Variants in KCNG3 observed in about 807,000 individuals in gnomAD.
KCNG3 encodes potassium voltage-gated channel modifier subfamily G member 3.
KCNG3 carries 15 observed loss-of-function variants against 29.0 expected under a neutral mutation model. The observed-to-expected ratio is 0.52, with a 90% CI of 0.35 to 0.80. The LOEUF is 0.80. Among genes scored for constraint, KCNG3 ranks in the 30% least tolerant of loss-of-function variants. The pLI is 0.01. For synonymous variants in KCNG3, 322 were observed against 248.9 expected, an observed-to-expected ratio of 1.29 and a Z score of -2.76; for missense variants, 512 against 605.7, an observed-to-expected ratio of 0.85 and a Z score of 1.62.
chr2:42,474,902 C>T (rs1211882988), intron 1 of KCNG3, among the ~76,000 whole-genome samples: 1 of 152,156 alleles, frequency 6.6e-6, no homozygotes, highest in African/African-American at 2.4e-5. Flanking sequence ...GCCTGCCTTA[C>T]TCCAGTGGCA....
chr2:42,410,753 T>C, the KCNG3 span, among the ~76,000 whole-genome samples: 1 of 152,168 alleles, frequency 6.6e-6, no homozygotes, highest in Non-Finnish European at 1.5e-5. Context: ...CTTTAGGATG[T>C]AGTTCCAAGT....
In KCNG3 at chr2:42,474,229, A is replaced by G. The variant is rs1436392725; in HGVS notation, c.665+18608T>C. 6.0e-5 allele frequency among the ~76,000 whole-genome samples: 9 copies of G among 150,462 alleles called. No homozygotes were observed. In the East Asian group the frequency reaches 9.8e-4, roughly 16 times the overall value. ...CAGAGCAAGAGTTCATCTCGGAGAG[A>G]AAAAAAAACACTGTTCGGCCAGGCA... On this transcript the variant is annotated intron_variant, in intron 1 of 1. Coordinates refer to ENST00000306078, the MANE Select transcript of KCNG3 (RefSeq NM_133329.6).
intron 1 of KCNG3, among the ~76,000 whole-genome samples, chr2:42,461,177 CAAAACAAAA>C (rs1673008285): frequency 5.2e-5 from 1 of 19,252 alleles, no homozygotes; most frequent in Non-Finnish European, 1.2e-4. Context: ...CAAAACAAAA[CAAAACAAAA>C]AAAAAAAAAA....
the KCNG3 span, among the ~76,000 whole-genome samples, chr2:42,389,382 T>C: frequency 6.6e-6 from 1 of 152,248 alleles, no homozygotes; most frequent in Non-Finnish European, 1.5e-5. Flanking sequence ...TTCTGGTTTC[T>C]TACCAACTTT....
chr2:42,431,835 C>T, the KCNG3 span, among the ~76,000 whole-genome samples: 1 of 152,046 alleles, frequency 6.6e-6, no homozygotes, highest in South Asian at 2.1e-4. Context: ...GTCAGGAGTT[C>T]GAGACCAGCC....
chr2:42,412,673 G>C, the KCNG3 span, among the ~76,000 whole-genome samples: 3 of 151,966 alleles, frequency 2.0e-5, no homozygotes, highest in African/African-American at 7.3e-5. Context: ...ATGTTATTTG[G>C]CCTGATAACA....
intron 1 of KCNG3, among the ~76,000 whole-genome samples, chr2:42,484,106 CATT>C (rs1424943357): frequency 6.6e-6 from 1 of 152,094 alleles, no homozygotes; most frequent in African/African-American, 2.4e-5. Flanking sequence ...CAAAATGTAT[CATT>C]AAGTAAAAAA....
At chr2:42,418,029 T>G in the KCNG3 span, among the ~76,000 whole-genome samples, 1 of 151,608 alleles carries the variant, frequency 6.6e-6, no homozygotes, top group Non-Finnish European at 1.5e-5. Flanking sequence ...ATATATATAC[T>G]GACACAAAAT....
Position 42,493,530 on chromosome 2 carries a change from G to T in KCNG3, c.-29C>A. The T allele has an allele frequency of 7.5e-7, 1 of 1,338,402 alleles. No homozygotes were observed. Among genetic ancestry groups the T allele is most frequent in the Admixed American group, 3.9e-5 (1 of 25,422 alleles). The allele number at this position is 1,338,402 out of a possible 1,614,324, so 82.9% of individuals were successfully genotyped here. On this transcript the variant is annotated 5_prime_UTR_variant, in exon 1 of 2. Coordinates refer to ENST00000306078, the MANE Select transcript of KCNG3 (RefSeq NM_133329.6). Reference sequence around the variant, plus strand: ...TGGCCGCCCGGGGGACTTTCGGCCCGAGGGCCCCGCTGCAGCCCCCCACCC... The same window carrying T: ...TGGCCGCCCGGGGGACTTTCGGCCCTAGGGCCCCGCTGCAGCCCCCCACCC...
chr2:42,464,446 T>G (rs1404783443), intron 1 of KCNG3, among the ~76,000 whole-genome samples: 1 of 152,174 alleles, frequency 6.6e-6, no homozygotes, highest in African/African-American at 2.4e-5. Context: ...ATAAGCTAAG[T>G]GTTTTAGTCT....
chr2:42,447,363 G>A (rs1350427507), intron 1 of KCNG3, among the ~76,000 whole-genome samples: 1 of 151,660 alleles, frequency 6.6e-6, no homozygotes, highest in African/African-American at 2.4e-5. Flanking sequence ...TAATTGCCCT[G>A]CCTCATTTGG....
the KCNG3 span, among the ~76,000 whole-genome samples, chr2:42,428,799 G>A: frequency 6.6e-5 from 10 of 152,064 alleles, no homozygotes; most frequent in Non-Finnish European, 1.2e-4. Flanking sequence ...TCACCTGGTT[G>A]TGGGGCCTCC....
intron 1 of KCNG3, chr2:42,463,184 G>T: frequency 2.9e-6 from 1 of 348,456 alleles, no homozygotes; most frequent in South Asian, 2.9e-5. Flanking sequence ...CACCAGCATC[G>T]ACGTTCTTGC....
chr2:42,482,306 T>C (rs555978415), intron 1 of KCNG3, among the ~76,000 whole-genome samples: 1 of 152,310 alleles, frequency 6.6e-6, no homozygotes, highest in East Asian at 1.9e-4. Flanking sequence ...AGATCGGGCA[T>C]AGTGGCTCAT....
At chr2:42,392,044 T>G in the KCNG3 span, among the ~76,000 whole-genome samples, 1 of 152,236 alleles carries the variant, frequency 6.6e-6, no homozygotes, top group Non-Finnish European at 1.5e-5. Flanking sequence ...ATCTCTTTAT[T>G]CATAACAATT....
At chr2:42,468,391 T>C (rs1239918103) in intron 1 of KCNG3, among the ~76,000 whole-genome samples, 1 of 152,102 alleles carries the variant, frequency 6.6e-6, no homozygotes, top group Non-Finnish European at 1.5e-5. Context: ...CATCATAAAT[T>C]AGGGACAGTC....
Position 42,452,053 on chromosome 2 carries a change from C to CA in KCNG3, c.666-7475dup, listed in dbSNP as rs1432143637. Among the ~76,000 whole-genome samples the CA allele has an allele frequency of 4.6e-5, 7 of 151,206 alleles. No individual in the cohort carries two copies. The South Asian group carries it at 1.5e-3, about 31-fold the overall frequency. Reference sequence around the variant, plus strand: ...AACTCCTGCAACTCAGTAACAACAACAAAAAAAATCAACCCAACTAAAAAA... The same window carrying CA: ...AACTCCTGCAACTCAGTAACAACAACAAAAAAAAATCAACCCAACTAAAAAA... On this transcript the variant is annotated intron_variant, in intron 1 of 1. Transcript: ENST00000306078.
At chr2:42,464,214 A>T (rs556363736) in intron 1 of KCNG3, among the ~76,000 whole-genome samples, 171 of 152,318 alleles carry the variant, frequency 1.1e-3, no homozygotes, top group South Asian at 2.1e-3. Context: ...CACTGCAAAC[A>T]TTAGGACAAT....
chr2:42,426,138 A>C, the KCNG3 span, among the ~76,000 whole-genome samples: 7 of 152,188 alleles, frequency 4.6e-5, no homozygotes, highest in Non-Finnish European at 1.0e-4. Context: ...AAATTAATCA[A>C]ATATTTGATG....
Sources: allele counts gnomAD v4.1 joint callset (sites outside exome capture counted in the v4.1 genomes callset), GRCh38; gene constraint gnomAD v4.1.1; transcripts MANE v1.5; gene names NCBI Gene and HGNC (gene_info 2026-07-23, HGNC 2026-07-21).